ZDHHC11B: variants seen among roughly 807,000 people sequenced by gnomAD.
The protein encoded by ZDHHC11B is probable palmitoyltransferase ZDHHC11B.
Under a neutral mutation model 42.3 loss-of-function variants are expected in ZDHHC11B, and 17 were observed. The observed-to-expected ratio is 0.40, with a 90% CI of 0.27 to 0.60. The LOEUF is 0.60. ZDHHC11B is among the 20% of genes least tolerant of loss of function. The pLI, the probability that ZDHHC11B is intolerant of heterozygous loss-of-function variation, is 0.41. For synonymous variants in ZDHHC11B, 123 were observed against 193.5 expected, an observed-to-expected ratio of 0.64 and a Z score of 3.02; for missense variants, 262 against 463.2, an observed-to-expected ratio of 0.57 and a Z score of 3.99.
chr5:774,536 G>T (rs1736308465), intron 1 of ZDHHC11B, among the ~76,000 whole-genome samples: 1 of 152,324 alleles, frequency 6.6e-6, no homozygotes, highest in East Asian at 1.9e-4. Context: ...ACAGCCAGGG[G>T]TCTGCCCCTT....
chr5:748,783 C>G (rs1162904908), intron 7 of ZDHHC11B, among the ~76,000 whole-genome samples: 1 of 129,440 alleles, frequency 7.7e-6, no homozygotes. Flanking sequence ...TGGGAGGTGA[C>G]GCTCCAACAG....
intron 4 of ZDHHC11B, among the ~76,000 whole-genome samples, chr5:762,105 CCAGA>C (rs1296062165): frequency 2.6e-5 from 4 of 151,318 alleles, no homozygotes; most frequent in African/African-American, 9.7e-5. Flanking sequence ...ACTCATGGCC[CCAGA>C]CAGTCACTCC....
At chr5:750,232 G>A (rs1211969050) in intron 7 of ZDHHC11B, among the ~76,000 whole-genome samples, 1 of 127,482 alleles carries the variant, frequency 7.8e-6, no homozygotes, top group Non-Finnish European at 1.7e-5. Flanking sequence ...TCAAATGGTG[G>A]CGGGTGGGGG....
At chr5:743,909 A>C (rs1221319210) in intron 9 of ZDHHC11B, among the ~76,000 whole-genome samples, 3 of 149,760 alleles carry the variant, frequency 2.0e-5, no homozygotes, top group Non-Finnish European at 3.0e-5. Context: ...AAGTAGGAGG[A>C]AGTGGTGTCA....
chr5:739,981 C>T (rs1743987618), intron 10 of ZDHHC11B, among the ~76,000 whole-genome samples: 1 of 152,052 alleles, frequency 6.6e-6, no homozygotes, highest in South Asian at 2.1e-4. Context: ...ACTCACACAA[C>T]CTGGATGGAG....
At chr5:720,639 A>C (rs1237150436) in intron 12 of ZDHHC11B, among the ~76,000 whole-genome samples, 1 of 151,916 alleles carries the variant, frequency 6.6e-6, no homozygotes, top group Non-Finnish European at 1.5e-5. Flanking sequence ...ACAAGTCAAT[A>C]ATATTGTACT....
chr5:743,130 C>T (rs1744355501), intron 9 of ZDHHC11B, among the ~76,000 whole-genome samples: 1 of 149,032 alleles, frequency 6.7e-6, no homozygotes, highest in African/African-American at 2.5e-5. Context: ...TAATTTCTCC[C>T]TATTTAATGA....
chr5:745,084 GC>G, intron 9 of ZDHHC11B, 98 bp downstream of exon 9: 1 of 1,266,562 alleles, frequency 7.9e-7, no homozygotes, highest in South Asian at 1.3e-5. Context: ...GGCTGCATCG[GC>G]CCTGAAGTAA....
intron 13 of ZDHHC11B, among the ~76,000 whole-genome samples, chr5:713,114 T>C (rs1208876834): frequency 1.3e-5 from 2 of 151,080 alleles, no homozygotes; most frequent in Admixed American, 1.3e-4. Context: ...CTCTCTTTTC[T>C]CTTTCTGGGA....
At position 710,687 on chromosome 5, in the gene ZDHHC11B, C is replaced by A. The variant is rs116836880; in HGVS notation, c.*1603G>T. ...TGCTCCCATTTCCCAGCACTATGCT[C>A]CCATTTCCCAGGACTGTGAGCTTCC... is the stretch of plus-strand genomic sequence containing the variant. On this transcript the variant is annotated 3_prime_UTR_variant, in exon 14 of 14. Transcript: ENST00000508859. The A allele has an allele frequency of 0.04, 6,194 of 154,394 alleles. 172 individuals carry two copies. The highest frequency in any genetic ancestry group is 0.06 in the Non-Finnish European group (4,100 of 68,420). The allele number at this position is 154,394 out of a possible 1,614,324, so 9.6% of individuals were successfully genotyped here.
intron 6 of ZDHHC11B, among the ~76,000 whole-genome samples, chr5:752,823 G>C (rs1745954089): frequency 9.5e-6 from 1 of 105,526 alleles, no homozygotes; most frequent in South Asian, 4.6e-4. Context: ...AGTCCTCCTG[G>C]GCTCGAGCCC....
rs2126935570 is a variant in ZDHHC11B at position 711,850 on chromosome 5, G to GTGCCCCATTTCCCAGCACTA, written c.*439_*440insTAGTGCTGGGAAATGGGGCA. The GTGCCCCATTTCCCAGCACTA allele has an allele frequency of 8.0e-6, 1 of 124,484 alleles. No individual in the cohort carries two copies. Among genetic ancestry groups the GTGCCCCATTTCCCAGCACTA allele is most frequent in the African/African-American group, 3.1e-5 (1 of 32,170 alleles). 7.7% of individuals were successfully genotyped at this position (124,484 alleles called of 1,614,324 possible). The stretch of plus-strand genomic sequence containing the variant: ...TACTGTGCTCCCATTTCTCAGTACT[G>GTGCCCCATTTCCCAGCACTA]TGCTCCCATTTCCCAGTACTATGCT... On this transcript the variant is annotated 3_prime_UTR_variant, in exon 14 of 14. Coordinates refer to ENST00000508859, the MANE Select transcript of ZDHHC11B (RefSeq NM_001351303.2).
chr5:757,518 T>C (rs529106599), intron 4 of ZDHHC11B, among the ~76,000 whole-genome samples: 5 of 151,802 alleles, frequency 3.3e-5, no homozygotes, highest in South Asian at 4.2e-4. Flanking sequence ...CCTTGGGGCA[T>C]GGGGTTAGGG....
At chr5:775,848 CT>C (rs1164538734) in intron 1 of ZDHHC11B, among the ~76,000 whole-genome samples, 2 of 150,924 alleles carry the variant, frequency 1.3e-5, no homozygotes, top group Admixed American at 6.6e-5. Context: ...GTGTTGCAAG[CT>C]GACTGGGAAA....
chr5:719,521 C>T (rs1742024503), intron 12 of ZDHHC11B, among the ~76,000 whole-genome samples: 4 of 150,278 alleles, frequency 2.7e-5, no homozygotes, highest in Non-Finnish European at 1.5e-5. Flanking sequence ...CTGGAAAGTA[C>T]ATAACTGAAA....
intron 6 of ZDHHC11B, among the ~76,000 whole-genome samples, chr5:753,855 C>T (rs1432811401): frequency 6.8e-6 from 1 of 146,922 alleles, no homozygotes; most frequent in African/African-American, 2.5e-5. Flanking sequence ...CAACGTTGGT[C>T]CCCACTCCCA....
rs1207683926 is a variant in ZDHHC11B, at chr5:761,724, C to T, written c.222+4974G>A. Among the ~76,000 whole-genome samples the T allele has an allele frequency of 5.3e-4, 81 of 151,992 alleles. 2 individuals are homozygous for T. The highest frequency in any genetic ancestry group is 1.8e-3 in the African/African-American group (76 of 41,446). On this transcript the variant is annotated intron_variant, in intron 4 of 13. Transcript: ENST00000508859. ...GAACCCCCACTCTGGTGACTGGGCACACTCAGGGCCTCTCAGAAAAGGCCT... is the reference window on the plus strand; with the variant it reads ...GAACCCCCACTCTGGTGACTGGGCATACTCAGGGCCTCTCAGAAAAGGCCT...
chr5:720,067 T>C (rs1259176322), intron 12 of ZDHHC11B, among the ~76,000 whole-genome samples: 14 of 151,910 alleles, frequency 9.2e-5, no homozygotes, highest in African/African-American at 2.7e-4. Flanking sequence ...TGGAACGTAT[T>C]CCCCACAGAT....
intron 1 of ZDHHC11B, among the ~76,000 whole-genome samples, chr5:775,561 C>T (rs2150240938): frequency 6.6e-6 from 1 of 152,028 alleles, no homozygotes; most frequent in South Asian, 2.1e-4. Flanking sequence ...AACTCAGGTT[C>T]CCAGGAGCCC....
Sources: allele counts gnomAD v4.1 joint callset (sites outside exome capture counted in the v4.1 genomes callset), GRCh38; gene constraint gnomAD v4.1.1; transcripts MANE v1.5; gene names NCBI Gene and HGNC (gene_info 2026-07-23, HGNC 2026-07-21).